PLP1: variants seen among roughly 807,000 people sequenced by gnomAD.
PLP1 encodes the protein myelin proteolipid protein.
PLP1 carries 2 observed loss-of-function variants against 18.5 expected under a neutral mutation model. The ratio of observed to expected loss-of-function variants is 0.11; its 90% CI spans 0.04 to 0.34. The LOEUF (loss-of-function observed/expected upper bound fraction) is 0.34, where lower values mean the gene tolerates loss of function less well. Ranked by LOEUF, PLP1 falls within the 10% of genes least tolerant of loss-of-function variation. PLP1 has a pLI of 1.00. For missense variants in PLP1, 105 were observed against 207.3 expected, an observed-to-expected ratio of 0.51 and a Z score of 3.03; for synonymous variants, 86 against 83.2, an observed-to-expected ratio of 1.03 and a Z score of -0.19.
In PLP1 at chrX:103,790,950, A is replaced by G; in HGVS notation, c.*352A>G. On this transcript the variant is annotated 3_prime_UTR_variant, in exon 7 of 7. Transcript: ENST00000621218. The stretch of plus-strand genomic sequence containing the variant: ...TTCTTCTCAAAGGGTACTTCCACTG[A>G]TGGAAACAAAGTGGAAGGAAAGATG... 3.8e-6 allele frequency: 1 copy of G among 262,802 alleles called. No homozygotes were observed. Among genetic ancestry groups the G allele is most frequent in the Non-Finnish European group, 6.8e-6 (1 of 146,380 alleles). The allele number at this position is 262,802 out of a possible 1,213,427, so 21.7% of individuals were successfully genotyped here.
Position 103,785,697 on chromosome X carries a change from C to T in PLP1, c.120C>T (p.Leu40=). The part of the protein sequence containing the change: ...ALFCGCGHEA[L]TGTEKLIETY... ...TCTGTGGCTGTGGACATGAAGCCCT[C>T]ACTGGCACAGAAAAGCTAATTGAGA... Residue 40 remains leucine, a synonymous_variant, in exon 2 of 7, where the codon CTC becomes CTT. Coordinates refer to ENST00000621218, the MANE Select transcript of PLP1 (RefSeq NM_000533.5). 6.6e-6 allele frequency: 8 copies of T among 1,209,838 alleles called. No individual in the cohort carries two copies. The highest frequency in any genetic ancestry group is 9.0e-6 in the Non-Finnish European group (8 of 893,673).
At chrX:103,787,755 A>G in intron 3 of PLP1, 43 bp from the exon 4 acceptor site, 1 of 1,106,842 alleles carries the variant, frequency 9.0e-7, no homozygotes, top group Non-Finnish European at 1.2e-6. Flanking sequence ...CTACATCTGC[A>G]GGCTGATGCT....
chrX:103,788,896 T>C (rs1475435657), intron 5 of PLP1: 1 of 275,939 alleles, frequency 3.6e-6, no homozygotes, highest in Non-Finnish European at 6.4e-6. Context: ...AATTTGGAAC[T>C]TCTTTATCTC....
At chrX:103,777,209 C>T (rs762270877) in intron 1 of PLP1, among the ~76,000 whole-genome samples, 8 of 111,864 alleles carry the variant, frequency 7.2e-5, no homozygotes, top group Non-Finnish European at 1.1e-4. Flanking sequence ...TCCAGCAGCA[C>T]GTGGAGAGTC....
At position 103,791,388 on chromosome X, in the gene PLP1, G is replaced by A. The variant is rs1354279064; in HGVS notation, c.*790G>A. The A allele has an allele frequency of 8.9e-6, 1 of 112,162 alleles. No individual in the cohort carries two copies. Among genetic ancestry groups the A allele is most frequent in the Non-Finnish European group, 1.9e-5 (1 of 53,234 alleles). The allele number at this position is 112,162 out of a possible 1,213,427, so 9.2% of individuals were successfully genotyped here. ...ATAACAGCTACCATGACAACCCTGT[G>A]GTTTCCAAGGAGCTGAGAATAGAAG... On this transcript the variant is annotated 3_prime_UTR_variant, in exon 7 of 7. Coordinates refer to ENST00000621218, the MANE Select transcript of PLP1 (RefSeq NM_000533.5).
At chrX:103,782,061 G>A (rs1182197789) in intron 1 of PLP1, among the ~76,000 whole-genome samples, 1 of 112,262 alleles carries the variant, frequency 8.9e-6, no homozygotes, top group African/African-American at 3.2e-5. Context: ...CAACTACTTT[G>A]ATGAAAAAAT....
At position 103,791,825 on chromosome X, in the gene PLP1, A is replaced by G. The variant is rs890848985; in HGVS notation, c.*1227A>G. 6.2e-5 allele frequency: 7 copies of G among 113,111 alleles called. No individual in the cohort carries two copies. The highest frequency in any genetic ancestry group is 1.1e-4 in the Non-Finnish European group (6 of 53,372). 9.3% of individuals were successfully genotyped at this position (113,111 alleles called of 1,213,427 possible). A position where few individuals can be genotyped will look rare whatever the true frequency, so the allele number is the denominator to read the frequency against. Reference sequence around the variant, plus strand: ...CTAGTTGAATCTATTGGGATTTTCTACAAGTATTCTGCCTTTGCAGAAACA... The same window carrying G: ...CTAGTTGAATCTATTGGGATTTTCTGCAAGTATTCTGCCTTTGCAGAAACA... On this transcript the variant is annotated 3_prime_UTR_variant, in exon 7 of 7. Transcript: ENST00000621218.
chrX:103,781,381 A>T (rs894234964), intron 1 of PLP1: 20 of 295,490 alleles, frequency 6.8e-5, no homozygotes, highest in Middle Eastern at 4.6e-4. Flanking sequence ...TTAAAGTTGG[A>T]GTATCAACTA....
intron 3 of PLP1, among the ~76,000 whole-genome samples, chrX:103,787,314 A>G (rs962345782): frequency 1.8e-5 from 2 of 111,290 alleles, no homozygotes; most frequent in African/African-American, 6.6e-5. Context: ...TGGCGGCTGA[A>G]CATGTGTGGG....
At chrX:103,787,027 C>T (rs2074503204) in intron 3 of PLP1, 3 of 335,110 alleles carry the variant, frequency 9.0e-6, no homozygotes, top group Non-Finnish European at 1.6e-5. Flanking sequence ...TGTTCCCTTC[C>T]TAGTAGGTAC....
At position 103,777,143 on chromosome X, in the gene PLP1, A is replaced by G. The variant is rs938173499; in HGVS notation, c.4+144A>G. The G allele has an allele frequency of 7.3e-6, 4 of 547,415 alleles. No homozygotes were observed. The African/African-American group carries it at 9.2e-5, about 13-fold the overall frequency. The allele number at this position is 547,415 out of a possible 1,213,427, so 45.1% of individuals were successfully genotyped here. On this transcript the variant is annotated intron_variant, in intron 1 of 6. Coordinates refer to ENST00000621218, the MANE Select transcript of PLP1 (RefSeq NM_000533.5). ...TTTCTTTTTAAATTCCTTAACATTC[A>G]GTTAGATTAACTCCTTCTCCGCTGT... is the stretch of plus-strand genomic sequence containing the variant.
chrX:103,792,035 C>T lies in PLP1; in HGVS notation c.*1437C>T, dbSNP rs1465427024. 1 of 110,978 alleles carries T rather than the reference C, an allele frequency of 9.0e-6. No individual in the cohort carries two copies. The highest frequency in any genetic ancestry group is 1.9e-5 in the Non-Finnish European group (1 of 52,966). The allele number at this position is 110,978 out of a possible 1,213,427, so 9.1% of individuals were successfully genotyped here. On this transcript the variant is annotated 3_prime_UTR_variant, in exon 7 of 7. Transcript: ENST00000621218. ...CATCAGCTATTCAGTTGGTAAGCTT[C>T]CAGGAAAAAGGACAGGCAGAAAGAG...
chrX:103,788,138 C>T (rs902241765), intron 4 of PLP1, among the ~76,000 whole-genome samples, 172 bp downstream of exon 4: 42 of 111,923 alleles, frequency 3.8e-4, no homozygotes, highest in African/African-American at 1.2e-3. Context: ...GTTTCTTCCC[C>T]GGGAAGGGAA....
intron 1 of PLP1, among the ~76,000 whole-genome samples, chrX:103,784,616 T>A (rs928030144): frequency 1.8e-5 from 2 of 112,037 alleles, no homozygotes; most frequent in African/African-American, 6.5e-5. Context: ...TCCAGGAGCA[T>A]CCAATTTCCA....
rs1211292879 is a variant in PLP1 at position 103,780,439 on chromosome X, C to CTGTG, written c.4+3467_4+3470dup. ...TGTACATCATTCATTCTGTCTCTCT[C>CTGTG]TGTGTGTGTGTGTGTGTGTGTGTGT... is the stretch of plus-strand genomic sequence containing the variant. On this transcript the variant is annotated intron_variant, in intron 1 of 6. Transcript: ENST00000621218. Among the ~76,000 whole-genome samples, 13 of 102,524 alleles carry CTGTG rather than the reference C, an allele frequency of 1.3e-4. No homozygotes were observed. In the South Asian group the frequency reaches 1.3e-3, roughly 10 times the overall value. The allele number at this position is 102,524 out of a possible 115,157, so 89.0% of individuals were successfully genotyped here.
chrX:103,785,800 T>C (rs764512140), intron 2 of PLP1, 32 bp downstream of exon 2: 47 of 1,117,232 alleles, frequency 4.2e-5, no homozygotes, highest in Non-Finnish European at 5.7e-5. Flanking sequence ...CAGACCCATC[T>C]TTTTTTTCCC....
At chrX:103,781,946 G>T (rs138092961) in intron 1 of PLP1, among the ~76,000 whole-genome samples, 3,063 of 96,017 alleles carry the variant, frequency 0.032, 112 homozygotes, top group African/African-American at 0.11. Flanking sequence ...GAAATGGAGA[G>T]CTTTTGGCTT....
At position 103,776,893 on chromosome X, in the gene PLP1, C is replaced by G; in HGVS notation, c.-103C>G. ...ATACTCAGAGAGAAAAAGTAAAAGACCGAAGAAGGAGGCTGGAGAGACCAG... is the reference window on the plus strand; with the variant it reads ...ATACTCAGAGAGAAAAAGTAAAAGAGCGAAGAAGGAGGCTGGAGAGACCAG... On this transcript the variant is annotated 5_prime_UTR_variant, in exon 1 of 7. Coordinates refer to ENST00000621218, the MANE Select transcript of PLP1 (RefSeq NM_000533.5). 2.5e-6 allele frequency: 2 copies of G among 787,350 alleles called. No homozygotes were observed. The highest frequency in any genetic ancestry group is 3.9e-6 in the Non-Finnish European group (2 of 518,842). The allele number at this position is 787,350 out of a possible 1,213,427, so 64.9% of individuals were successfully genotyped here.
Position 103,790,562 on chromosome X carries a change from C to T in PLP1, c.798C>T (p.Ala266=), listed in dbSNP as rs955050340. ...TGATTGCTGCCACTTACAACTTTGC[C>T]GTCCTTAAACTCATGGGCCGAGGCA... ...TFMIAATYNF[A]VLKLMGRGTK... The change falls in exon 7 of 7, where the codon GCC becomes GCT. Residue 266 remains alanine, a synonymous_variant. Transcript: ENST00000621218. The T allele has an allele frequency of 5.0e-6, 6 of 1,208,539 alleles. No individual in the cohort carries two copies. The highest frequency in any genetic ancestry group is 1.8e-5 in the South Asian group (1 of 56,895).
Sources: allele counts gnomAD v4.1 joint callset (sites outside exome capture counted in the v4.1 genomes callset), GRCh38; gene constraint gnomAD v4.1.1; transcripts MANE v1.5; gene names NCBI Gene and HGNC (gene_info 2026-07-23, HGNC 2026-07-21).